PPP2R5C: variants seen among roughly 807,000 people sequenced by gnomAD.
PPP2R5C encodes the protein protein phosphatase 2 regulatory subunit B'gamma, also known as serine/threonine-protein phosphatase 2A 56 kDa regulatory subunit gamma isoform.
PPP2R5C carries 7 observed loss-of-function variants against 68.9 expected under a neutral mutation model. The ratio of observed to expected loss-of-function variants is 0.10; its 90% CI spans 0.06 to 0.19. PPP2R5C has a LOEUF of 0.19. Ranked by LOEUF, PPP2R5C falls within the 10% of genes least tolerant of loss-of-function variation. The pLI is 1.00. For missense variants in PPP2R5C, 348 were observed against 641.3 expected, an observed-to-expected ratio of 0.54 and a Z score of 4.94; for synonymous variants, 210 against 222.2, an observed-to-expected ratio of 0.95 and a Z score of 0.49.
chr14:101,889,897 G>C, intron 5 of PPP2R5C: 3 of 463,464 alleles, frequency 6.5e-6, no homozygotes, highest in Non-Finnish European at 1.3e-5. Flanking sequence ...ATGTGCGTGT[G>C]ATCAAGCAGA....
chr14:101,841,925 A>G (rs1430448498), intron 1 of PPP2R5C, among the ~76,000 whole-genome samples: 1 of 152,112 alleles, frequency 6.6e-6, no homozygotes, highest in African/African-American at 2.4e-5. Flanking sequence ...TCAGCTCCCC[A>G]TGGAGCTTCT....
chr14:101,761,123 C>G (rs568563153), upstream of PPP2R5C, among the ~76,000 whole-genome samples: 123 of 151,102 alleles, frequency 8.1e-4, no homozygotes, highest in South Asian at 2.7e-3. Flanking sequence ...AGCGGTGTCC[C>G]GCGAAACTGC....
At chr14:101,827,022 C>T (rs1300663684) in intron 1 of PPP2R5C, among the ~76,000 whole-genome samples, 3 of 131,380 alleles carry the variant, frequency 2.3e-5, no homozygotes, top group Non-Finnish European at 4.6e-5. Context: ...GTCGCCCAGG[C>T]TGGAGTGCAG....
At chr14:101,811,595 C>G (rs1480777565) in intron 1 of PPP2R5C, among the ~76,000 whole-genome samples, 1 of 152,080 alleles carries the variant, frequency 6.6e-6, no homozygotes, top group Non-Finnish European at 1.5e-5. Context: ...CTCCCACCTC[C>G]GCCTCCCAAA....
intron 2 of PPP2R5C, among the ~76,000 whole-genome samples, chr14:101,776,859 A>T (rs2037445794): frequency 1.3e-5 from 2 of 150,800 alleles, no homozygotes; most frequent in African/African-American, 4.9e-5. Context: ...TCCATGTTGT[A>T]GCGTGCGTCA....
chr14:101,830,574 G>A lies in PPP2R5C; in HGVS notation c.94+20538G>A, dbSNP rs567493601. Reference sequence around the variant, plus strand: ...CCTGCACCTGAATGAATCCTGAGGCGGGCTTCTGACTCTGCTCTAAACACT... The same window carrying A: ...CCTGCACCTGAATGAATCCTGAGGCAGGCTTCTGACTCTGCTCTAAACACT... On this transcript the variant is annotated intron_variant, in intron 1 of 13. Transcript: ENST00000334743. 5.3e-5 allele frequency among the ~76,000 whole-genome samples: 8 copies of A among 152,240 alleles called. No homozygotes were observed. In the East Asian group the frequency reaches 1.4e-3, roughly 26 times the overall value.
intron 12 of PPP2R5C, chr14:101,914,246 G>A (rs2141131425): frequency 2.2e-6 from 1 of 454,352 alleles, no homozygotes; most frequent in South Asian, 1.6e-5. Context: ...TTGTCCTCAT[G>A]TCTGTGTTGA....
intron 3 of PPP2R5C, among the ~76,000 whole-genome samples, chr14:101,796,147 C>T (rs1045887292): frequency 6.6e-6 from 1 of 152,110 alleles, no homozygotes; most frequent in African/African-American, 2.4e-5. Context: ...CAATTGAAAG[C>T]TTTACCATAA....
upstream of PPP2R5C, among the ~76,000 whole-genome samples, chr14:101,807,633 T>G (rs1339125103): frequency 6.6e-6 from 1 of 152,190 alleles, no homozygotes; most frequent in African/African-American, 2.4e-5. Flanking sequence ...AAGTCTTCTT[T>G]TCTTCCCTCA....
chr14:101,791,923 C>G (rs995832265), intron 3 of PPP2R5C, among the ~76,000 whole-genome samples: 1 of 152,078 alleles, frequency 6.6e-6, no homozygotes, highest in African/African-American at 2.4e-5. Context: ...TCATTGTATT[C>G]AGATATGTGA....
At chr14:101,831,853 C>G (rs771067160) in intron 1 of PPP2R5C, 25 of 663,806 alleles carry the variant, frequency 3.8e-5, no homozygotes, top group African/African-American at 1.1e-4. Flanking sequence ...CCACTGTAGT[C>G]TGTTACTTAC....
intron 13 of PPP2R5C, among the ~76,000 whole-genome samples, chr14:101,923,244 T>G (rs1276030110): frequency 6.6e-6 from 1 of 152,226 alleles, no homozygotes; most frequent in African/African-American, 2.4e-5. Flanking sequence ...CCCAGATATA[T>G]CCACCGGTTT....
At chr14:101,796,489 G>A (rs1414618286) in intron 3 of PPP2R5C, 1 of 152,552 alleles carries the variant, frequency 6.6e-6, no homozygotes, top group African/African-American at 2.4e-5. Flanking sequence ...GACCCAAGGT[G>A]GCCCTTGCCC....
intron 1 of PPP2R5C, among the ~76,000 whole-genome samples, chr14:101,828,410 T>A (rs1216987768): frequency 2.0e-5 from 3 of 152,172 alleles, no homozygotes; most frequent in African/African-American, 7.2e-5. Context: ...TTCCATTTTT[T>A]TGAAAAGCCC....
intron 1 of PPP2R5C, chr14:101,823,711 A>G (rs1010371158): frequency 2.0e-6 from 2 of 1,004,614 alleles, no homozygotes; most frequent in Admixed American, 5.1e-5. Flanking sequence ...GACAGAGACC[A>G]GATACCGGAC....
At chr14:101,783,527 C>T (rs1487735003) in intron 2 of PPP2R5C, among the ~76,000 whole-genome samples, 1 of 151,620 alleles carries the variant, frequency 6.6e-6, no homozygotes, top group Non-Finnish European at 1.5e-5. Flanking sequence ...TTGGCCCTGA[C>T]GAGAGAATGG....
intron 3 of PPP2R5C, among the ~76,000 whole-genome samples, chr14:101,796,317 T>C (rs950144917): frequency 6.6e-6 from 1 of 152,230 alleles, no homozygotes; most frequent in African/African-American, 2.4e-5. Context: ...GCAGGGAATC[T>C]CTGCTTTCAT....
In PPP2R5C at chr14:101,781,101, G is replaced by C. The variant is rs1167987720; in HGVS notation, c.94-4917G>C. 6.6e-6 allele frequency among the ~76,000 whole-genome samples: 1 copy of C among 152,146 alleles called. No homozygotes were observed. The highest frequency in any genetic ancestry group is 2.4e-5 in the African/African-American group (1 of 41,440). Reference sequence around the variant, plus strand: ...TCCCTCCAGCTACAGGTGCCTTGCGGTGCCGCCACTGGAGGAGTCTTTGCA... The same window carrying C: ...TCCCTCCAGCTACAGGTGCCTTGCGCTGCCGCCACTGGAGGAGTCTTTGCA... On this transcript the variant is annotated intron_variant, in intron 2 of 14. Coordinates refer to the PPP2R5C transcript ENST00000328724. This position sits in a 1 kb window ranked among gnomAD's most constrained non-coding sequence, Gnocchi z 6.4.
In PPP2R5C at chr14:101,919,980, A is replaced by AAAAAACAAAAAAC. The variant is rs1555403925; in HGVS notation, c.1443+2038_1443+2039insCAAAAAACAAAAA. On this transcript the variant is annotated intron_variant, in intron 13 of 13. Coordinates refer to ENST00000334743, the Ensembl canonical transcript of PPP2R5C. ...GCAAAACTCCGTCTCAAAAAAAAAA[A>AAAAAACAAAAAAC]AAAAAAAAAAAACCAATTCTTACAC... Among the ~76,000 whole-genome samples the AAAAAACAAAAAAC allele has an allele frequency of 7.9e-5, 9 of 114,184 alleles. No individual in the cohort carries two copies. In the East Asian group the frequency reaches 1.6e-3, roughly 20 times the overall value. 74.9% of individuals were successfully genotyped at this position (114,184 alleles called of 152,430 possible).
Sources: gnomAD v4.1 joint callset for allele counts (sites outside exome capture counted in the v4.1 genomes callset) on GRCh38, gnomAD v4.1.1 for gene constraint, Gnocchi (gnomAD v3.1) non-coding constraint, MANE v1.5 for transcripts, NCBI Gene and HGNC (gene_info 2026-07-23, HGNC 2026-07-21) for gene names.